NTM: variants seen among roughly 807,000 people sequenced by gnomAD.
The protein encoded by NTM is IgLON family member 2.
NTM carries 13 observed loss-of-function variants against 42.1 expected under a neutral mutation model. That is an observed-to-expected ratio of 0.31 (90% confidence interval 0.20 to 0.49). The LOEUF (loss-of-function observed/expected upper bound fraction) is 0.49, where lower values mean the gene tolerates loss of function less well. Among genes scored for constraint, NTM ranks in the 20% least tolerant of loss-of-function variants. The pLI, the probability that NTM is intolerant of heterozygous loss-of-function variation, is 0.99. For synonymous variants in NTM, 187 were observed against 179.2 expected, an observed-to-expected ratio of 1.04 and a Z score of -0.35; for missense variants, 373 against 452.8, an observed-to-expected ratio of 0.82 and a Z score of 1.60.
chr11:131,441,361 T>C (rs1431898902), intron 1 of NTM, among the ~76,000 whole-genome samples: 1 of 152,196 alleles, frequency 6.6e-6, no homozygotes, highest in Non-Finnish European at 1.5e-5. Flanking sequence ...AGTTTGAGAA[T>C]TTCTTGACTG....
chr11:131,800,238 C>A (rs1023793347), intron 1 of NTM, among the ~76,000 whole-genome samples: 1 of 152,234 alleles, frequency 6.6e-6, no homozygotes, highest in African/African-American at 2.4e-5. Flanking sequence ...TTGCAATCCC[C>A]ATTGTCTCAT....
rs116098455 is a variant in NTM at position 131,734,035 on chromosome 11, T to C, written c.83-177529T>C. Among the ~76,000 whole-genome samples, 688 of 152,328 alleles carry C rather than the reference T, an allele frequency of 4.5e-3. 8 individuals are homozygous for C. Among genetic ancestry groups the C allele is most frequent in the African/African-American group, 0.016 (660 of 41,556 alleles). Reference sequence around the variant, plus strand: ...GAATAACTTATTGACAAACAAATAATTCTTACAATAGCAACTGATGGCAGA... The same window carrying C: ...GAATAACTTATTGACAAACAAATAACTCTTACAATAGCAACTGATGGCAGA... On this transcript the variant is annotated intron_variant, in intron 1 of 8. Transcript: ENST00000683400.
chr11:132,116,387 T>C (rs1037821499), intron 2 of NTM, among the ~76,000 whole-genome samples: 3 of 152,160 alleles, frequency 2.0e-5, no homozygotes, highest in African/African-American at 7.2e-5. Context: ...TACTTTCTCC[T>C]ACTCTTCCAT....
chr11:131,853,923 G>C (rs1421430239), intron 1 of NTM, among the ~76,000 whole-genome samples: 1 of 152,094 alleles, frequency 6.6e-6, no homozygotes, highest in Non-Finnish European at 1.5e-5. Flanking sequence ...TTTTGAATGA[G>C]TTATACACTC....
At chr11:131,721,252 T>C (rs2078293663) in intron 1 of NTM, among the ~76,000 whole-genome samples, 3 of 152,170 alleles carry the variant, frequency 2.0e-5, no homozygotes, top group Admixed American at 2.0e-4. Context: ...TCCTTTATGT[T>C]ACAATGCTAC....
intron 1 of NTM, among the ~76,000 whole-genome samples, chr11:131,484,091 C>G (rs1199322400): frequency 6.6e-6 from 1 of 152,198 alleles, no homozygotes; most frequent in Non-Finnish European, 1.5e-5. Flanking sequence ...CCAGGGGGCA[C>G]ATTGTCTGGA....
intron 3 of NTM, among the ~76,000 whole-genome samples, chr11:132,201,248 A>G (rs1460227098): frequency 6.6e-6 from 1 of 152,166 alleles, no homozygotes; most frequent in South Asian, 2.1e-4. Flanking sequence ...GTCTTGTTCC[A>G]TTTCTATGAA....
At chr11:131,382,738 A>T (rs1200634742) in intron 1 of NTM, among the ~76,000 whole-genome samples, 2 of 152,202 alleles carry the variant, frequency 1.3e-5, no homozygotes, top group African/African-American at 2.4e-5. Flanking sequence ...AGCACTAATC[A>T]TCCTGATCAT....
At chr11:131,831,922 T>C (rs926457408) in intron 1 of NTM, among the ~76,000 whole-genome samples, 3 of 148,398 alleles carry the variant, frequency 2.0e-5, no homozygotes, top group Non-Finnish European at 4.5e-5. Context: ...CCAACATTAA[T>C]TTATTCCTAT....
intron 1 of NTM, among the ~76,000 whole-genome samples, chr11:131,381,967 T>C (rs1215124899): frequency 6.6e-6 from 1 of 152,244 alleles, no homozygotes; most frequent in East Asian, 1.9e-4. Flanking sequence ...TCATAGCTGA[T>C]AAACTATGTG....
At chr11:131,430,743 C>T (rs1467666405) in intron 1 of NTM, among the ~76,000 whole-genome samples, 2 of 152,222 alleles carry the variant, frequency 1.3e-5, no homozygotes, top group Admixed American at 6.5e-5. Flanking sequence ...AGGTCCTCTG[C>T]CCCCCACCAT....
chr11:131,877,081 A>G (rs1171904902), intron 1 of NTM, among the ~76,000 whole-genome samples: 2 of 151,624 alleles, frequency 1.3e-5, no homozygotes, highest in Admixed American at 1.3e-4. Context: ...CTGGTCTTGA[A>G]CTCCCTGCCT....
At chr11:131,602,840 A>C (rs2137439078) in intron 1 of NTM, among the ~76,000 whole-genome samples, 1 of 152,320 alleles carries the variant, frequency 6.6e-6, no homozygotes, top group South Asian at 2.1e-4. Context: ...CTCATGCTAA[A>C]TGCCCAAGAG....
intron 1 of NTM, among the ~76,000 whole-genome samples, chr11:131,417,541 C>A (rs936001582): frequency 1.3e-5 from 2 of 152,080 alleles, no homozygotes; most frequent in African/African-American, 4.8e-5. Context: ...TTGGGTTATT[C>A]TGAATACTGT....
At chr11:131,453,459 A>C (rs1045999006) in intron 1 of NTM, among the ~76,000 whole-genome samples, 2 of 152,138 alleles carry the variant, frequency 1.3e-5, no homozygotes, top group African/African-American at 2.4e-5. Flanking sequence ...TATTCCCTGC[A>C]TGAAGAATAG....
At chr11:131,605,818 G>A (rs189216397) in intron 1 of NTM, 10 of 984,918 alleles carry the variant, frequency 1.0e-5, no homozygotes, top group Middle Eastern at 1.0e-3. Flanking sequence ...TTGGTAGACA[G>A]CCCTATTTCT....
chr11:131,379,557 T>C (rs1248119655), intron 1 of NTM, among the ~76,000 whole-genome samples: 1 of 152,170 alleles, frequency 6.6e-6, no homozygotes, highest in Non-Finnish European at 1.5e-5. Context: ...TTCAATAAGA[T>C]AGAGATAATT....
At chr11:131,733,911 G>T (rs2080070208) in intron 1 of NTM, among the ~76,000 whole-genome samples, 2 of 152,128 alleles carry the variant, frequency 1.3e-5, no homozygotes, top group South Asian at 2.1e-4. Flanking sequence ...TTACCATATT[G>T]TTGATCATTA....
intron 1 of NTM, among the ~76,000 whole-genome samples, chr11:131,548,121 G>C (rs1435844474): frequency 6.6e-6 from 1 of 152,094 alleles, no homozygotes; most frequent in Non-Finnish European, 1.5e-5. Flanking sequence ...TACTTCTCTG[G>C]GAATTTTAGT....
Sources: allele counts gnomAD v4.1 joint callset (sites outside exome capture counted in the v4.1 genomes callset), GRCh38; gene constraint gnomAD v4.1.1; transcripts MANE v1.5; gene names NCBI Gene and HGNC (gene_info 2026-07-23, HGNC 2026-07-21).